ATM: variants seen among roughly 807,000 people sequenced by gnomAD.
The protein encoded by ATM is serine-protein kinase ATM.
In ATM, 308 loss-of-function variants were observed where a neutral mutation model predicts 387.0. The observed-to-expected ratio is 0.80, with a 90% confidence interval of 0.73 to 0.87. The LOEUF (loss-of-function observed/expected upper bound fraction) is 0.87, where lower values mean the gene tolerates loss of function less well. Ranked by LOEUF, ATM falls within the 40% of genes least tolerant of loss-of-function variation. The pLI is 0.00. For missense variants in ATM, 3,312 were observed against 3,560.9 expected (o/e 0.93, Z 1.78); for synonymous variants, 1,156 against 1,187.3 (o/e 0.97, Z 0.54).
intron 14 of ATM, 133 bp downstream of exon 14, chr11:108,256,473 A>G (rs2080497237): frequency 1.2e-6 from 1 of 833,546 alleles, no homozygotes; most frequent in Non-Finnish European, 1.8e-6. Context: ...ATGTAATGTG[A>G]GAAGAAATTA....
chr11:108,345,032 G>A (rs1180604685), intron 57 of ATM, among the ~76,000 whole-genome samples: 1 of 152,100 alleles, frequency 6.6e-6, no homozygotes, highest in African/African-American at 2.4e-5. Context: ...TTGGAGAAAA[G>A]GAGTAGCCAG....
rs1042736504 is a variant in ATM at position 108,284,168 on chromosome 11, A to G, written c.3747-59A>G. 7 of 1,353,952 alleles carry G rather than the reference A, an allele frequency of 5.2e-6. No individual in the cohort carries two copies. The East Asian group carries it at 1.3e-4, about 24-fold the overall frequency. The allele number at this position is 1,353,952 out of a possible 1,614,324, so 83.9% of individuals were successfully genotyped here. ...TAAAACAGTTTTTAAGAACTATTTT[A>G]TAAAATTTTACTTGGAAAAGTTATA... On this transcript the variant is annotated intron_variant, in intron 25 of 62. Coordinates refer to ENST00000675843, the MANE Select transcript of ATM (RefSeq NM_000051.4).
At chr11:108,273,446 A>G (rs992492632) in intron 22 of ATM, among the ~76,000 whole-genome samples, 1 of 146,278 alleles carries the variant, frequency 6.8e-6, no homozygotes, top group Non-Finnish European at 1.5e-5. Flanking sequence ...GGTTCAAGCA[A>G]TTCTCCTGCC....
rs1555123259 is a variant in ATM, at chr11:108,330,380, C to G, written c.7474C>G (p.Leu2492Val). ...GGTATTCCGACTTTGTTCCCTCTGGCTTGAAAATTCTGGAGTTTCTGAAGT... is the reference window on the plus strand; with the variant it reads ...GGTATTCCGACTTTGTTCCCTCTGGGTTGAAAATTCTGGAGTTTCTGAAGT... Reference protein sequence around the residue: ...MWVFRLCSLWLENSGVSEVNG... With the variant: ...MWVFRLCSLWVENSGVSEVNG... Residue 2492 changes from leucine (L) to valine (V), a missense_variant, in exon 50 of 63, where the codon CTT becomes GTT. By Grantham distance (32) the Leu-to-Val change is conservative. Transcript: ENST00000675843. 1 of 1,614,144 alleles carries G rather than the reference C, an allele frequency of 6.2e-7. No homozygotes were observed. The highest frequency in any genetic ancestry group is 8.5e-7 in the Non-Finnish European group (1 of 1,180,014).
chr11:108,335,216 T>C, intron 55 of ATM, 107 bp downstream of exon 55: 1 of 1,578,920 alleles, frequency 6.3e-7, no homozygotes, highest in Non-Finnish European at 8.6e-7. Flanking sequence ...TTTTGAATAC[T>C]TACAAATGAG....
At chr11:108,291,982 G>C (rs1021475658) in intron 29 of ATM, among the ~76,000 whole-genome samples, 1 of 152,152 alleles carries the variant, frequency 6.6e-6, no homozygotes, top group Non-Finnish European at 1.5e-5. Flanking sequence ...GCAGCCTCTT[G>C]TATGTCTCAA....
chr11:108,258,118 T>C (rs1369687519), intron 15 of ATM, among the ~76,000 whole-genome samples: 2 of 152,116 alleles, frequency 1.3e-5, no homozygotes, highest in Non-Finnish European at 2.9e-5. Flanking sequence ...TTGCCCAGGC[T>C]AGTCTCAAAC....
In ATM at chr11:108,244,892, A is replaced by G. The variant is rs907941927; in HGVS notation, c.767A>G (p.Asp256Gly). The G allele has an allele frequency of 6.2e-7, 1 of 1,613,830 alleles. No homozygotes were observed. The highest frequency in any genetic ancestry group is 8.5e-7 in the Non-Finnish European group (1 of 1,179,844). ...CGAATTCGAGTGTGTGAATTAGGAGATGAAATTCTTCCCACTTTGCTTTAT... is the reference window on the plus strand; with the variant it reads ...CGAATTCGAGTGTGTGAATTAGGAGGTGAAATTCTTCCCACTTTGCTTTAT... ...NFRIRVCELG[D>G]EILPTLLYIW... The change falls in exon 7 of 63, where the codon GAT becomes GGT. Residue 256 changes from aspartate (D) to glycine (G), a missense_variant. Physicochemically the swap from Asp to Gly is moderately conservative, Grantham distance 94. Transcript: ENST00000675843.
intron 48 of ATM, among the ~76,000 whole-genome samples, chr11:108,328,075 G>A (rs112998930): frequency 3.5e-4 from 54 of 152,168 alleles, no homozygotes; most frequent in African/African-American, 1.3e-3. Flanking sequence ...TTAAGAATAG[G>A]CAAGTCAGCC....
At chr11:108,275,748 G>A (rs1438507984) in intron 22 of ATM, among the ~76,000 whole-genome samples, 1 of 152,170 alleles carries the variant, frequency 6.6e-6, no homozygotes, top group Non-Finnish European at 1.5e-5. Flanking sequence ...AGTCTGATGG[G>A]CTTCCCTTTG....
chr11:108,354,755 A>C, intron 60 of ATM, 56 bp from the exon 61 acceptor site: 2 of 1,402,918 alleles, frequency 1.4e-6, no homozygotes, highest in Non-Finnish European at 2.0e-6. Context: ...AGATAAAGAT[A>C]CGTTGACAAC....
intron 28 of ATM, among the ~76,000 whole-genome samples, chr11:108,289,309 A>G (rs1323626279): frequency 6.6e-6 from 1 of 152,168 alleles, no homozygotes; most frequent in Non-Finnish European, 1.5e-5. Flanking sequence ...GAATCTTGTG[A>G]CACTTTAGTG....
At chr11:108,303,093 TG>T in intron 36 of ATM, 64 bp downstream of exon 36, 5 of 1,452,296 alleles carry the variant, frequency 3.4e-6, no homozygotes, top group Non-Finnish European at 4.8e-6. Flanking sequence ...AAGAGTGCTG[TG>T]ATACTGCACA....
At position 108,287,678 on chromosome 11, in the gene ATM, A is replaced by G. The variant is rs1176020475; in HGVS notation, c.4072A>G (p.Ser1358Gly). Reference protein sequence around the residue: ...LMTLHEPANSSASQSTDLCDF... With the variant: ...LMTLHEPANSGASQSTDLCDF... ...GACGTTACATGAGCCAGCAAATTCT[A>G]GTGCCAGTCAGAGCACTGACCTCTG... is the stretch of plus-strand genomic sequence containing the variant. The change falls in exon 27 of 63, where the codon AGT becomes GGT. Residue 1358 changes from serine to glycine, a missense_variant. Physicochemically the swap from Ser to Gly is moderately conservative, Grantham distance 56. Around this residue, in one of 4 missense-constraint regions of ATM, gnomAD observed 1,791 missense variants for 1,804.5 expected, o/e 0.99. Transcript: ENST00000675843. 6.2e-7 allele frequency: 1 copy of G among 1,613,694 alleles called. No homozygotes were observed. The highest frequency in any genetic ancestry group is 1.7e-5 in the Admixed American group (1 of 59,998).
At position 108,335,105 on chromosome 11, in the gene ATM, T is replaced by C. The variant is rs587782652; in HGVS notation, c.8147T>C (p.Val2716Ala). The part of the protein sequence containing the change: ...GSDGKERRQL[V>A]KGRDDLRQDA... ...GATGGCAAGGAGAGGAGACAGCTTG[T>C]TAAGGTGAGCCTTCCCTTCTCTGGC... The change falls in exon 55 of 63, where the codon GTT (valine) becomes GCT (alanine). Residue 2716 changes from valine to alanine, a missense_variant. Val to Ala is a moderately conservative substitution (Grantham distance 64). This residue lies in a region of ATM where 1,405 missense variants were observed against 1,604.4 expected (regional missense o/e 0.88). Coordinates refer to ENST00000675843, the MANE Select transcript of ATM (RefSeq NM_000051.4). 44 of 1,613,980 alleles carry C rather than the reference T, an allele frequency of 2.7e-5. No homozygotes were observed. The highest frequency in any genetic ancestry group is 3.6e-5 in the Non-Finnish European group (42 of 1,179,980).
chr11:108,247,802 G>A (rs1280167179), intron 8 of ATM, among the ~76,000 whole-genome samples: 3 of 151,496 alleles, frequency 2.0e-5, no homozygotes. Context: ...CACCATATTG[G>A]CCAGCCTAGT....
intron 59 of ATM, among the ~76,000 whole-genome samples, chr11:108,353,116 C>T (rs1278021975): frequency 6.6e-6 from 1 of 151,962 alleles, no homozygotes; most frequent in Non-Finnish European, 1.5e-5. Context: ...TTTCTTACAA[C>T]TCGAAGTGAA....
chr11:108,262,251 G>C (rs901335380), intron 16 of ATM, among the ~76,000 whole-genome samples: 2 of 152,218 alleles, frequency 1.3e-5, no homozygotes, highest in Non-Finnish European at 2.9e-5. Context: ...GGGTTACCCT[G>C]AGAGGGAAGC....
At chr11:108,290,448 T>G (rs1166743405) in intron 29 of ATM, 1 of 150,996 alleles carries the variant, frequency 6.6e-6, no homozygotes, top group Non-Finnish European at 1.5e-5. Context: ...CAACATGATG[T>G]GAAAACCCAT....
Sources: allele counts gnomAD v4.1 joint callset (sites outside exome capture counted in the v4.1 genomes callset), GRCh38; gene constraint gnomAD v4.1.1; regional missense constraint gnomAD v4.1.1; transcripts MANE v1.5; gene names NCBI Gene and HGNC (gene_info 2026-07-23, HGNC 2026-07-21).